Variants in PRPF19 observed in about 807,000 individuals in gnomAD.
The protein encoded by PRPF19 is pre-mRNA processing factor 19.
PRPF19 carries 2 observed loss-of-function variants against 64.2 expected under a neutral mutation model. That is an observed-to-expected ratio of 0.03 (90% confidence interval 0.01 to 0.10). PRPF19 has a LOEUF of 0.10. PRPF19 is among the 10% of genes least tolerant of loss of function. PRPF19 has a pLI of 1.00. For missense variants in PRPF19, 314 were observed against 650.0 expected (o/e 0.48, Z 5.62); for synonymous variants, 226 against 251.6 (o/e 0.90, Z 0.96).
At position 60,896,631 on chromosome 11, in the gene PRPF19, T is replaced by C. The variant is rs140233152; in HGVS notation, c.1417+1215A>G. Among the ~76,000 whole-genome samples the C allele has an allele frequency of 3.2e-4, 49 of 152,354 alleles. No individual in the cohort carries two copies. The East Asian group carries it at 9.3e-3, about 29-fold the overall frequency. On this transcript the variant is annotated intron_variant, in intron 15 of 15. Coordinates refer to ENST00000227524, the MANE Select transcript of PRPF19 (RefSeq NM_014502.5). ...AAGACATGTTTGCTTTCCCTGCTGC[T>C]ATGACTGTAAGTTTCCTGAGGCCTC...
At chr11:60,905,810 G>A (rs1044863753) in intron 1 of PRPF19, among the ~76,000 whole-genome samples, 5 of 152,252 alleles carry the variant, frequency 3.3e-5, no homozygotes, top group Non-Finnish European at 7.3e-5. Context: ...AATGTGCGCT[G>A]TTTTTATTAG....
At chr11:60,893,934 G>C (rs1024887422) in intron 15 of PRPF19, among the ~76,000 whole-genome samples, 5 of 152,178 alleles carry the variant, frequency 3.3e-5, no homozygotes, top group African/African-American at 1.2e-4. Flanking sequence ...AAAATGTTAT[G>C]TTTACACTAT....
chr11:60,894,200 T>A lies in PRPF19; in HGVS notation c.1418-2937A>T, dbSNP rs531614879. Reference sequence around the variant, plus strand: ...ACAACAAAGAAGTTTGCCACATCATTTGATTCTTCCTTTGACAAAAGATTT... The same window carrying A: ...ACAACAAAGAAGTTTGCCACATCATATGATTCTTCCTTTGACAAAAGATTT... On this transcript the variant is annotated intron_variant, in intron 15 of 15. Coordinates refer to ENST00000227524, the MANE Select transcript of PRPF19 (RefSeq NM_014502.5). 2.3e-4 allele frequency among the ~76,000 whole-genome samples: 35 copies of A among 152,352 alleles called. No homozygotes were observed. The East Asian group carries it at 5.6e-3, about 24-fold the overall frequency.
chr11:60,900,229 A>T (rs1026718476), intron 10 of PRPF19, among the ~76,000 whole-genome samples: 1 of 152,240 alleles, frequency 6.6e-6, no homozygotes, highest in Non-Finnish European at 1.5e-5. Flanking sequence ...GAAAGCAGAT[A>T]TATCTGTCCT....
At chr11:60,891,378 C>A (rs927415350) in intron 15 of PRPF19, 115 bp from the exon 16 acceptor site, 21 of 766,436 alleles carry the variant, frequency 2.7e-5, no homozygotes, top group Non-Finnish European at 3.9e-5. Context: ...GTATTTATCA[C>A]ACCGCAGGCT....
At chr11:60,895,208 G>A (rs915143165) in intron 15 of PRPF19, among the ~76,000 whole-genome samples, 1 of 152,218 alleles carries the variant, frequency 6.6e-6, no homozygotes, top group African/African-American at 2.4e-5. Context: ...CCAATAGAAG[G>A]CTATTCCGTC....
intron 1 of PRPF19, chr11:60,905,229 C>A (rs954995025): frequency 1.1e-4 from 16 of 152,202 alleles, no homozygotes; most frequent in African/African-American, 3.6e-4. Context: ...TCTCTCACTT[C>A]CAGTACAATG....
chr11:60,890,610 C>A lies in PRPF19; in HGVS notation c.*556G>T. 3.0e-6 allele frequency: 1 copy of A among 337,114 alleles called. No homozygotes were observed. The highest frequency in any genetic ancestry group is 5.9e-6 in the Non-Finnish European group (1 of 170,806). 20.9% of individuals were successfully genotyped at this position (337,114 alleles called of 1,614,324 possible). On this transcript the variant is annotated 3_prime_UTR_variant, in exon 16 of 16. Transcript: ENST00000227524. The stretch of plus-strand genomic sequence containing the variant: ...TAAAAAAAAAAAAAAAGGGTAAGAG[C>A]TGTGAAAGGAAAGGAAGATGGGCTT...
chr11:60,906,565 C>T lies in PRPF19; in HGVS notation c.-183G>A, dbSNP rs1436876797. 1.7e-5 allele frequency: 10 copies of T among 574,362 alleles called. No individual in the cohort carries two copies. In the Admixed American group the frequency reaches 2.1e-4, roughly 12 times the overall value. 35.6% of individuals were successfully genotyped at this position (574,362 alleles called of 1,614,324 possible). A position where few individuals can be genotyped will look rare whatever the true frequency, so the allele number is the denominator to read the frequency against. On this transcript the variant is annotated 5_prime_UTR_variant, in exon 1 of 16. Transcript: ENST00000227524. ...AATGGGGACAGCCGCGCGCCACAGC[C>T]TTCAGCACCTAACGGAAATTGCCCT...
At chr11:60,905,561 G>A (rs1856036391) in intron 1 of PRPF19, 1 of 152,216 alleles carries the variant, frequency 6.6e-6, no homozygotes, top group Admixed American at 6.5e-5. Flanking sequence ...ATATCAAAGG[G>A]AAAGATAGTG....
chr11:60,900,032 C>G (rs688638), intron 10 of PRPF19, among the ~76,000 whole-genome samples: 95,116 of 152,038 alleles, frequency 0.63, 30,555 homozygotes, highest in East Asian at 0.96. Context: ...ATCTTGACTG[C>G]GAAGCACTAA....
chr11:60,895,061 T>C (rs1855904462), intron 15 of PRPF19, among the ~76,000 whole-genome samples: 1 of 152,232 alleles, frequency 6.6e-6, no homozygotes, highest in South Asian at 2.1e-4. Flanking sequence ...ATTTTCAGAA[T>C]GCTAAATGAG....
chr11:60,904,743 C>A lies in PRPF19; in HGVS notation c.20-882G>T, dbSNP rs185577417. 3.9e-3 allele frequency among the ~76,000 whole-genome samples: 600 copies of A among 152,306 alleles called. 3 individuals are homozygous for A. The highest frequency in any genetic ancestry group is 0.013 in the African/African-American group (547 of 41,558). On this transcript the variant is annotated intron_variant, in intron 1 of 15. Coordinates refer to ENST00000227524, the MANE Select transcript of PRPF19 (RefSeq NM_014502.5). ...GGGCACCCCACCCTCCAGGAACCCC[C>A]ACATGTTCTGCTATACAGAAGCTCT...
intron 15 of PRPF19, among the ~76,000 whole-genome samples, chr11:60,892,525 A>G (rs1590603500): frequency 6.6e-6 from 1 of 152,190 alleles, no homozygotes. Context: ...ATGTGGCTCC[A>G]TCGTATATCA....
At chr11:60,892,036 T>C (rs561819567) in intron 15 of PRPF19, among the ~76,000 whole-genome samples, 1 of 152,312 alleles carries the variant, frequency 6.6e-6, no homozygotes, top group South Asian at 2.1e-4. Context: ...ATGTAGCATC[T>C]TAAGTGAGCA....
At position 60,903,514 on chromosome 11, in the gene PRPF19, T is replaced by C; in HGVS notation, c.191A>G (p.Lys64Arg). 6.2e-7 allele frequency: 1 copy of C among 1,614,088 alleles called. No individual in the cohort carries two copies. Residue 64 changes from lysine to arginine, a missense_variant, in exon 3 of 16, where the codon AAG becomes AGG. Coordinates refer to ENST00000227524, the MANE Select transcript of PRPF19 (RefSeq NM_014502.5). ...DIKVAHPIRP[K>R]PPSATSIPAI... ...CGGGATGCTGGTGGCTGAGGGAGGC[T>C]TGGGCCGGATTGGGTGAGCAACTGC...
chr11:60,898,666 C>G lies in PRPF19; in HGVS notation c.1055-40G>C. The stretch of plus-strand genomic sequence containing the variant: ...AGAGAGACCTGTGGTCAGAGCCCAC[C>G]AGGGAGAGAGACTAAGAGCAGCAAA... On this transcript the variant is annotated intron_variant, in intron 12 of 15. Coordinates refer to ENST00000227524, the MANE Select transcript of PRPF19 (RefSeq NM_014502.5). This position sits in a 1 kb window ranked among gnomAD's most constrained non-coding sequence, Gnocchi z 4.6. 1.2e-5 allele frequency: 20 copies of G among 1,613,308 alleles called. No homozygotes were observed. The highest frequency in any genetic ancestry group is 1.7e-5 in the Non-Finnish European group (20 of 1,179,624).
chr11:60,898,398 C>A lies in PRPF19; in HGVS notation c.1141-127G>T. 6.6e-7 allele frequency: 1 copy of A among 1,521,266 alleles called. No homozygotes were observed. The allele number at this position is 1,521,266 out of a possible 1,614,324, so 94.2% of individuals were successfully genotyped here. On this transcript the variant is annotated intron_variant, in intron 13 of 15. Coordinates refer to ENST00000227524, the MANE Select transcript of PRPF19 (RefSeq NM_014502.5). The surrounding 1 kb of genome is among the most constrained non-coding windows in gnomAD (Gnocchi z 4.6). ...AGGAAGGACAGCCAGCGGGACCCCC[C>A]AGACCACACCATCATATCACACACG... is the stretch of plus-strand genomic sequence containing the variant.
intron 3 of PRPF19, among the ~76,000 whole-genome samples, 153 bp from the exon 4 acceptor site, chr11:60,903,034 G>A (rs1045242564): frequency 1.3e-5 from 2 of 152,118 alleles, no homozygotes; most frequent in African/African-American, 4.8e-5. Flanking sequence ...GAATGTGCCG[G>A]CAGACACTCT....
Sources: allele counts gnomAD v4.1 joint callset (sites outside exome capture counted in the v4.1 genomes callset), GRCh38; gene constraint gnomAD v4.1.1; non-coding constraint Gnocchi (gnomAD v3.1); transcripts MANE v1.5; gene names NCBI Gene and HGNC (gene_info 2026-07-23, HGNC 2026-07-21).